The following IFT74 variants were observed in gnomAD, a reference collection of about 807,000 sequenced individuals.
The protein encoded by IFT74 is intraflagellar transport 74, also known as intraflagellar transport protein 74 homolog.
In IFT74, 92 loss-of-function variants were observed where a neutral mutation model predicts 96.7. The ratio of observed to expected loss-of-function variants is 0.95; its 90% confidence interval spans 0.80 to 1.13. The LOEUF (loss-of-function observed/expected upper bound fraction) is 1.13, where lower values mean the gene tolerates loss of function less well. Among genes scored for constraint, IFT74 ranks in the 50% most tolerant of loss-of-function variants. The pLI is 0.00. For synonymous variants in IFT74, 223 were observed against 213.2 expected (o/e 1.05, Z -0.40); for missense variants, 811 against 698.2 (o/e 1.16, Z -1.82).
chr9:26,996,300 C>A, intron 8 of IFT74: 1 of 1,498,336 alleles, frequency 6.7e-7, no homozygotes, highest in South Asian at 1.2e-5. Flanking sequence ...TATATAGAAC[C>A]AGTATATTAC....
chr9:26,985,662 T>A (rs1420348242), intron 6 of IFT74, among the ~76,000 whole-genome samples: 1 of 152,176 alleles, frequency 6.6e-6, no homozygotes, highest in Non-Finnish European at 1.5e-5. Flanking sequence ...CCATTGTTTT[T>A]TGTAAAATAC....
At chr9:27,040,674 C>G (rs1398345258) in intron 13 of IFT74, among the ~76,000 whole-genome samples, 2 of 152,056 alleles carry the variant, frequency 1.3e-5, no homozygotes, top group East Asian at 3.8e-4. Context: ...CCCCGTCTCC[C>G]TGATTTTGTT....
intron 13 of IFT74, among the ~76,000 whole-genome samples, chr9:27,039,446 C>T (rs1356855174): frequency 6.6e-6 from 1 of 152,086 alleles, no homozygotes; most frequent in African/African-American, 2.4e-5. Flanking sequence ...CCTGTAATTC[C>T]AACACTGTGG....
At chr9:27,039,134 G>C (rs1293515513) in intron 13 of IFT74, among the ~76,000 whole-genome samples, 1 of 152,012 alleles carries the variant, frequency 6.6e-6, no homozygotes, top group African/African-American at 2.4e-5. Context: ...AATTATAATC[G>C]TCATCATCGT....
In IFT74 at chr9:27,055,485, A is replaced by G. The variant is rs1564006621; in HGVS notation, c.1334-124A>G. On this transcript the variant is annotated intron_variant, in intron 16 of 19. Coordinates refer to ENST00000380062, the MANE Select transcript of IFT74 (RefSeq NM_025103.4). ...TAGTTTATATTATCTCACTGGTTAC[A>G]GTGAACATATATTTCTTTTACAGAT... 3.1e-6 allele frequency: 2 copies of G among 647,766 alleles called. 1 individual carries two copies. Among genetic ancestry groups the G allele is most frequent in the Admixed American group, 8.0e-5 (2 of 25,128 alleles). 40.1% of individuals were successfully genotyped at this position (647,766 alleles called of 1,614,324 possible).
At chr9:27,017,598 A>T (rs1395644820) in intron 11 of IFT74, among the ~76,000 whole-genome samples, 1 of 152,184 alleles carries the variant, frequency 6.6e-6, no homozygotes, top group East Asian at 1.9e-4. Context: ...TTTATTGGTC[A>T]TTAAATATTT....
At chr9:26,968,286 T>G (rs10115255) in intron 2 of IFT74, among the ~76,000 whole-genome samples, 148,136 of 151,150 alleles carry the variant, frequency 0.98, 72,648 homozygotes, top group East Asian at 1. Flanking sequence ...TTTTGAGATG[T>G]AATCTCGCTC....
chr9:26,993,508 T>A (rs994789231), intron 8 of IFT74: 3 of 152,558 alleles, frequency 2.0e-5, no homozygotes, highest in African/African-American at 7.2e-5. Flanking sequence ...AGGTATATCA[T>A]CCTAGTTTTT....
At chr9:27,013,487 C>T (rs1829208448) in intron 10 of IFT74, among the ~76,000 whole-genome samples, 1 of 152,098 alleles carries the variant, frequency 6.6e-6, no homozygotes, top group South Asian at 2.1e-4. Flanking sequence ...GCCAAATTGC[C>T]TTCAAAAAGG....
intron 10 of IFT74, among the ~76,000 whole-genome samples, chr9:27,013,722 G>A (rs553474640): frequency 1.3e-5 from 2 of 151,568 alleles, no homozygotes; most frequent in Non-Finnish European, 2.9e-5. Flanking sequence ...CATATTTTTG[G>A]CGTTTCAGTA....
intron 13 of IFT74, among the ~76,000 whole-genome samples, chr9:27,040,834 C>T (rs558127764): frequency 2.0e-5 from 3 of 152,226 alleles, no homozygotes; most frequent in African/African-American, 4.8e-5. Flanking sequence ...ATCAGACCTT[C>T]TTAGGGGCAG....
intron 2 of IFT74, among the ~76,000 whole-genome samples, chr9:26,963,171 A>G (rs1411894598): frequency 2.0e-5 from 3 of 151,366 alleles, no homozygotes; most frequent in South Asian, 2.1e-4. Context: ...ATGTGATCTC[A>G]TTGTTCAATT....
chr9:27,011,326 G>A (rs973735147), intron 9 of IFT74, among the ~76,000 whole-genome samples: 33 of 151,294 alleles, frequency 2.2e-4, no homozygotes, highest in Admixed American at 2.0e-3. Flanking sequence ...ATGGGATAAT[G>A]AATGAGTAAA....
intron 1 of IFT74, among the ~76,000 whole-genome samples, chr9:26,958,589 G>A (rs1200823589): frequency 3.3e-5 from 5 of 152,184 alleles, no homozygotes; most frequent in Admixed American, 1.3e-4. Flanking sequence ...AGAGGAAGAT[G>A]TCAAGGACTA....
At chr9:26,968,311 G>C (rs1308004093) in intron 2 of IFT74, among the ~76,000 whole-genome samples, 1 of 151,386 alleles carries the variant, frequency 6.6e-6, no homozygotes, top group South Asian at 2.1e-4. Context: ...GCCCAGGCTG[G>C]AGTGCAGTGA....
intron 4 of IFT74, 129 bp from the exon 5 acceptor site, chr9:26,984,128 G>C (rs914159661): frequency 9.7e-6 from 7 of 723,768 alleles, no homozygotes; most frequent in South Asian, 4.1e-5. Flanking sequence ...TAAACTTTCT[G>C]CATTCTTTTA....
In IFT74 at chr9:26,986,491, A is replaced by C. The variant is rs748234308; in HGVS notation, c.465+1932A>C. Among the ~76,000 whole-genome samples, 204 of 150,432 alleles carry C rather than the reference A, an allele frequency of 1.4e-3. 1 individual carries two copies. The highest frequency in any genetic ancestry group is 1.4e-3 in the Non-Finnish European group (97 of 67,540). On this transcript the variant is annotated intron_variant, in intron 6 of 19. Coordinates refer to ENST00000380062, the MANE Select transcript of IFT74 (RefSeq NM_025103.4). ...CCATCACACCAGGCTAATTTTTTGT[A>C]TTTTTTGTTGAGATGAGATTTGGCC...
At chr9:26,958,489 A>G (rs986049657) in intron 1 of IFT74, among the ~76,000 whole-genome samples, 24 of 152,222 alleles carry the variant, frequency 1.6e-4, no homozygotes, top group Non-Finnish European at 3.2e-4. Context: ...AATAGAGAGT[A>G]AAGTACCTGT....
Position 27,056,418 on chromosome 9 carries a change from G to C in IFT74, c.1582G>C (p.Ala528Pro). The C allele has an allele frequency of 6.3e-7, 1 of 1,598,972 alleles. No homozygotes were observed. Among genetic ancestry groups the C allele is most frequent in the South Asian group, 1.1e-5 (1 of 87,800 alleles). ...IMEKQNIEYE[A>P]LKTQLQENET... ...GGAGAAGCAAAACATAGAGTATGAG[G>C]CACTAAAAACACAATTGCAAGAAAA... The change falls in exon 18 of 20, where the codon GCA becomes CCA. Residue 528 changes from alanine (A) to proline (P), a missense_variant. Ala to Pro is a conservative substitution (Grantham distance 27). Coordinates refer to ENST00000380062, the MANE Select transcript of IFT74 (RefSeq NM_025103.4).
Sources: gnomAD v4.1 joint callset for allele counts (sites outside exome capture counted in the v4.1 genomes callset) on GRCh38, gnomAD v4.1.1 for gene constraint, MANE v1.5 for transcripts, NCBI Gene and HGNC (gene_info 2026-07-23, HGNC 2026-07-21) for gene names.